The following G3BP2 variants were observed in gnomAD, a reference collection of about 807,000 sequenced individuals.
G3BP2 encodes G3BP stress granule assembly factor 2.
In G3BP2, 11 loss-of-function variants were observed where a neutral mutation model predicts 56.7. That is an observed-to-expected ratio of 0.19 (90% CI 0.12 to 0.32). G3BP2 has a LOEUF of 0.32. Ranked by LOEUF, G3BP2 falls within the 10% of genes least tolerant of loss-of-function variation. The probability of loss-of-function intolerance (pLI) is 1.00; values close to 1 mark genes in which losing one functional copy is unlikely to be tolerated. For missense variants in G3BP2, 340 were observed against 610.9 expected, an observed-to-expected ratio of 0.56 and a Z score of 4.67; for synonymous variants, 165 against 191.6, an observed-to-expected ratio of 0.86 and a Z score of 1.15.
At chr4:75,687,602 T>C (rs1450652392) in intron 3 of G3BP2, among the ~76,000 whole-genome samples, 2 of 152,236 alleles carry the variant, frequency 1.3e-5, no homozygotes, top group Non-Finnish European at 2.9e-5. Context: ...TGTAACTCTT[T>C]GCTTAGGAAT....
At chr4:75,653,957 A>G in intron 8 of G3BP2, 26 bp downstream of exon 8, 1 of 1,001,282 alleles carries the variant, frequency 1.0e-6, no homozygotes, top group Non-Finnish European at 1.6e-6. Context: ...CAAGGATACA[A>G]TCCAATGTGT....
At chr4:75,699,718 A>G (rs1719263573) in intron 3 of G3BP2, among the ~76,000 whole-genome samples, 1 of 152,036 alleles carries the variant, frequency 6.6e-6, no homozygotes, top group Non-Finnish European at 1.5e-5. Flanking sequence ...CTGACATAAT[A>G]TTTTCTCTTA....
At chr4:75,657,245 C>T (rs948334231) in intron 4 of G3BP2, among the ~76,000 whole-genome samples, 5 of 152,140 alleles carry the variant, frequency 3.3e-5, no homozygotes, top group Non-Finnish European at 4.4e-5. Flanking sequence ...ACTCAAGAAA[C>T]AGCTATTTAA....
rs556373131 is a variant in G3BP2 at position 75,667,450 on chromosome 4, A to G, written c.-24-5401T>C. ...CTTTTTAGAAAAAGTTAAATACAAT[A>G]TATCACACTCCACTTCTTCCAATGA... On this transcript the variant is annotated intron_variant, in intron 1 of 11. Coordinates refer to ENST00000359707, the MANE Select transcript of G3BP2 (RefSeq NM_203505.3). Among the ~76,000 whole-genome samples, 15 of 152,296 alleles carry G rather than the reference A, an allele frequency of 9.8e-5. 1 individual carries two copies. The South Asian group carries it at 2.9e-3, about 29-fold the overall frequency.
chr4:75,716,225 A>T (rs1719920809), intron 3 of G3BP2, among the ~76,000 whole-genome samples: 1 of 152,124 alleles, frequency 6.6e-6, no homozygotes, highest in African/African-American at 2.4e-5. Context: ...GCTGGAGTGC[A>T]GTGGTGCAAT....
At chr4:75,654,658 C>T (rs865890777) in intron 7 of G3BP2, among the ~76,000 whole-genome samples, 2 of 152,182 alleles carry the variant, frequency 1.3e-5, no homozygotes, top group Non-Finnish European at 2.9e-5. Flanking sequence ...GGAAACTGAT[C>T]CCATTTAAAC....
chr4:75,723,568 C>T (rs894622201), intron 1 of G3BP2, among the ~76,000 whole-genome samples: 1 of 152,152 alleles, frequency 6.6e-6, no homozygotes, highest in Non-Finnish European at 1.5e-5. Flanking sequence ...GGTGGAAAGC[C>T]AGAGTCTAAG....
chr4:75,660,903 T>G (rs1277932526), intron 2 of G3BP2, among the ~76,000 whole-genome samples: 1 of 152,120 alleles, frequency 6.6e-6, no homozygotes, highest in Non-Finnish European at 1.5e-5. Context: ...CACTTCAATC[T>G]CTGGAAAAAA....
rs374522743 is a variant in G3BP2, at chr4:75,648,738, T to C, written c.829A>G (p.Arg277Gly). The part of the protein sequence containing the change: ...PHVKAPVSQP[R>G]VEAKPEVQSQ... Reference sequence around the variant, plus strand: ...TGAACTTCTGGTTTAGCTTCGACTCTTGGCTAAAATATAAAGAAAAAAAAA... The same window carrying C: ...TGAACTTCTGGTTTAGCTTCGACTCCTGGCTAAAATATAAAGAAAAAAAAA... Residue 277 changes from arginine (R) to glycine (G), a missense_variant, in exon 9 of 12, where the codon AGA (arginine) becomes GGA (glycine). Physicochemically the swap from Arg to Gly is moderately radical, Grantham distance 125. Transcript: ENST00000359707. 3 of 1,588,970 alleles carry C rather than the reference T, an allele frequency of 1.9e-6. No individual in the cohort carries two copies. Among genetic ancestry groups the C allele is most frequent in the Non-Finnish European group, 2.6e-6 (3 of 1,159,010 alleles).
At chr4:75,693,714 G>A (rs1160942797) in intron 3 of G3BP2, among the ~76,000 whole-genome samples, 4 of 151,544 alleles carry the variant, frequency 2.6e-5, no homozygotes, top group East Asian at 1.9e-4. Flanking sequence ...GCTTGAACCC[G>A]GGAGGCAGAG....
At chr4:75,702,171 A>ATTTTTTTTTT (rs57529973) in intron 3 of G3BP2, among the ~76,000 whole-genome samples, 2 of 107,480 alleles carry the variant, frequency 1.9e-5, no homozygotes, top group Non-Finnish European at 3.6e-5. Context: ...AAACCCCCCA[A>ATTTTTTTTTT]TTTTTTTTTT....
At chr4:75,647,236 T>TCC in intron 9 of G3BP2, 79 bp from the exon 10 acceptor site, 1 of 908,568 alleles carries the variant, frequency 1.1e-6, no homozygotes, top group Non-Finnish European at 1.6e-6. Flanking sequence ...TAAAAATCAC[T>TCC]TAATATTGAT....
At chr4:75,705,870 A>G (rs1392661239) in intron 3 of G3BP2, among the ~76,000 whole-genome samples, 1 of 152,194 alleles carries the variant, frequency 6.6e-6, no homozygotes, top group South Asian at 2.1e-4. Flanking sequence ...AAACTCATGG[A>G]TAATATTTAT....
At chr4:75,648,489 A>G in intron 9 of G3BP2, 150 bp downstream of exon 9, 1 of 430,764 alleles carries the variant, frequency 2.3e-6, no homozygotes, top group Non-Finnish European at 4.1e-6. Flanking sequence ...GGCCCCAGAC[A>G]CTATTTAGCA....
intron 3 of G3BP2, among the ~76,000 whole-genome samples, chr4:75,715,583 G>GA (rs1719899560): frequency 6.6e-6 from 1 of 152,116 alleles, no homozygotes; most frequent in Non-Finnish European, 1.5e-5. Context: ...CAGGTTGTCA[G>GA]AAAAAAATCA....
chr4:75,688,313 GATTACAGGCGTA>G (rs1214266158), intron 3 of G3BP2, among the ~76,000 whole-genome samples: 1 of 152,172 alleles, frequency 6.6e-6, no homozygotes, highest in Non-Finnish European at 1.5e-5. Flanking sequence ...AAAGTGCTGG[GATTACAGGCGTA>G]AGCCACCACA....
At chr4:75,690,528 G>A (rs377498325) in intron 3 of G3BP2, among the ~76,000 whole-genome samples, 6 of 152,140 alleles carry the variant, frequency 3.9e-5, no homozygotes, top group African/African-American at 1.4e-4. Flanking sequence ...GGGGATGAGT[G>A]GGTGGAGGAA....
Position 75,644,698 on chromosome 4 carries a change from C to G in G3BP2, c.*732G>C, listed in dbSNP as rs1362761441. On this transcript the variant is annotated 3_prime_UTR_variant, in exon 12 of 12. Transcript: ENST00000359707. ...TAGAAAAATCTTAGATATGGAGCTACTAAATCTGGTCTAATAGTCAAGACC... is the reference window on the plus strand; with the variant it reads ...TAGAAAAATCTTAGATATGGAGCTAGTAAATCTGGTCTAATAGTCAAGACC... The G allele has an allele frequency of 1.3e-5, 2 of 152,648 alleles. No homozygotes were observed. The highest frequency in any genetic ancestry group is 3.9e-4 in the East Asian group (2 of 5,194). The allele number at this position is 152,648 out of a possible 1,614,324, so 9.5% of individuals were successfully genotyped here.
intron 3 of G3BP2, among the ~76,000 whole-genome samples, chr4:75,704,052 C>T (rs1222765462): frequency 6.7e-6 from 1 of 148,592 alleles, no homozygotes; most frequent in Non-Finnish European, 1.5e-5. Context: ...CAGAGTCTCG[C>T]TCTGTCGCCA....
Sources: gnomAD v4.1 joint callset for allele counts (sites outside exome capture counted in the v4.1 genomes callset) on GRCh38, gnomAD v4.1.1 for gene constraint, MANE v1.5 for transcripts, NCBI Gene and HGNC (gene_info 2026-07-23, HGNC 2026-07-21) for gene names.